CLTC: variants seen among roughly 807,000 people sequenced by gnomAD.
CLTC encodes clathrin heavy chain, also known as clathrin heavy chain 1.
A neutral mutation model predicts 195.8 loss-of-function variants in CLTC; 16 were observed. That is an observed-to-expected ratio of 0.08 (90% CI 0.06 to 0.12). CLTC has a LOEUF of 0.12. CLTC is among the 10% of genes least tolerant of loss of function. The pLI is 1.00. For synonymous variants in CLTC, 667 were observed against 689.4 expected (o/e 0.97, Z 0.51); for missense variants, 796 against 2,027.0 (o/e 0.39, Z 11.66).
At chr17:59,628,131 T>A (rs1239465825) in intron 1 of CLTC, among the ~76,000 whole-genome samples, 1 of 152,198 alleles carries the variant, frequency 6.6e-6, no homozygotes, top group Non-Finnish European at 1.5e-5. Flanking sequence ...TTCTTCAAGT[T>A]CTGAAGTAAG....
chr17:59,655,807 G>A (rs1567949698), intron 5 of CLTC, 47 bp from the exon 6 acceptor site: 2 of 1,427,052 alleles, frequency 1.4e-6, no homozygotes, highest in East Asian at 2.6e-5. Flanking sequence ...TTTATTTTCT[G>A]TTTGTAGATT....
intron 30 of CLTC, among the ~76,000 whole-genome samples, chr17:59,686,245 A>G (rs573526909): frequency 6.6e-6 from 1 of 151,862 alleles, no homozygotes; most frequent in African/African-American, 2.4e-5. Context: ...AATCTTCACA[A>G]TTTTTTTGAT....
At position 59,683,332 on chromosome 17, in the gene CLTC, T is replaced by C; in HGVS notation, c.4042-55T>C. The C allele has an allele frequency of 2.5e-6, 4 of 1,601,838 alleles. No individual in the cohort carries two copies. Among genetic ancestry groups the C allele is most frequent in the Non-Finnish European group, 3.4e-6 (4 of 1,173,824 alleles). On this transcript the variant is annotated intron_variant, in intron 25 of 31. Coordinates refer to ENST00000269122, the MANE Select transcript of CLTC (RefSeq NM_004859.4). The surrounding 1 kb of genome is among the most constrained non-coding windows in gnomAD (Gnocchi z 6.1). ...CTAATGCTTCAAAATATCTTATTCT[T>C]TTTAAGGCTGTTAGCTAGACTCATA...
chr17:59,685,264 G>A lies in CLTC; in HGVS notation c.4605+38G>A. 6.5e-7 allele frequency: 1 copy of A among 1,527,018 alleles called. No individual in the cohort carries two copies. The highest frequency in any genetic ancestry group is 8.9e-7 in the Non-Finnish European group (1 of 1,129,130). 94.6% of individuals were successfully genotyped at this position (1,527,018 alleles called of 1,614,324 possible). ...GCGGGGCAGGGGCTGTTTTAAACCAGGCCTAAAATGGTGTTACAAGTGATT... is the reference window on the plus strand; with the variant it reads ...GCGGGGCAGGGGCTGTTTTAAACCAAGCCTAAAATGGTGTTACAAGTGATT... On this transcript the variant is annotated intron_variant, in intron 29 of 31. Transcript: ENST00000269122. The surrounding 1 kb of genome is among the most constrained non-coding windows in gnomAD (Gnocchi z 5.0).
chr17:59,652,553 C>G (rs1468260320), intron 5 of CLTC, among the ~76,000 whole-genome samples: 1 of 152,170 alleles, frequency 6.6e-6, no homozygotes, highest in African/African-American at 2.4e-5. Flanking sequence ...CCTTGTATAT[C>G]TCCATTAGAG....
chr17:59,676,862 T>G, intron 16 of CLTC, 92 bp from the exon 17 acceptor site: 2 of 965,308 alleles, frequency 2.1e-6, no homozygotes, highest in Non-Finnish European at 3.2e-6. Context: ...AAGCACATTA[T>G]AGACCATAAG....
chr17:59,675,322 T>C (rs2032942531), intron 16 of CLTC, among the ~76,000 whole-genome samples: 1 of 152,182 alleles, frequency 6.6e-6, no homozygotes, highest in African/African-American at 2.4e-5. Context: ...AACATGATAA[T>C]ATGGATTTCC....
rs1420096480 is a variant in CLTC, at chr17:59,624,720, C to T, written c.42+4547C>T. On this transcript the variant is annotated intron_variant, in intron 1 of 31. Transcript: ENST00000269122. ...CTGACTTCAAATGATCTGCCCACCTCGACCTCCCAAAGTGCTGGGATTATA... is the reference window on the plus strand; with the variant it reads ...CTGACTTCAAATGATCTGCCCACCTTGACCTCCCAAAGTGCTGGGATTATA... 2.6e-5 allele frequency among the ~76,000 whole-genome samples: 4 copies of T among 152,036 alleles called. No homozygotes were observed. In the South Asian group the frequency reaches 6.2e-4, roughly 24 times the overall value.
Position 59,673,630 on chromosome 17 carries a change from G to T in CLTC, c.2293-17G>T, listed in dbSNP as rs1567963405. On this transcript the variant is annotated splice_polypyrimidine_tract_variant and intron_variant, in intron 14 of 31. Coordinates refer to ENST00000269122, the MANE Select transcript of CLTC (RefSeq NM_004859.4). ...TAGAAGAAATTTAAAGTTTCCTTTT[G>T]TTTGTCTTTTTTTCAGGAAGCAAAA... The T allele has an allele frequency of 6.3e-7, 1 of 1,598,602 alleles. No individual in the cohort carries two copies. The highest frequency in any genetic ancestry group is 1.1e-5 in the South Asian group (1 of 89,540).
At chr17:59,631,271 C>T (rs1363465264) in intron 1 of CLTC, among the ~76,000 whole-genome samples, 2 of 152,134 alleles carry the variant, frequency 1.3e-5, no homozygotes, top group East Asian at 1.9e-4. Context: ...ATCCCTGTAA[C>T]TTCATGGCAT....
At chr17:59,676,180 C>G (rs532873171) in intron 16 of CLTC, among the ~76,000 whole-genome samples, 2 of 152,236 alleles carry the variant, frequency 1.3e-5, no homozygotes, top group South Asian at 4.1e-4. Context: ...GCTTGGGCAA[C>G]AGAAGACCCT....
At chr17:59,624,319 G>A (rs186824175) in intron 1 of CLTC, among the ~76,000 whole-genome samples, 78 of 152,144 alleles carry the variant, frequency 5.1e-4, no homozygotes, top group African/African-American at 1.8e-3. Context: ...TTTGTCTGTT[G>A]GACTTAGGCC....
In CLTC at chr17:59,666,342, T is replaced by C; in HGVS notation, c.1782+102T>C. The C allele has an allele frequency of 6.7e-7, 1 of 1,494,334 alleles. No individual in the cohort carries two copies. Among genetic ancestry groups the C allele is most frequent in the Non-Finnish European group, 9.1e-7 (1 of 1,095,948 alleles). 92.6% of individuals were successfully genotyped at this position (1,494,334 alleles called of 1,614,324 possible). On this transcript the variant is annotated intron_variant, in intron 11 of 31. Coordinates refer to ENST00000269122, the MANE Select transcript of CLTC (RefSeq NM_004859.4). The surrounding 1 kb of genome is among the most constrained non-coding windows in gnomAD (Gnocchi z 4.9). ...CAAAGCTACTGAGGGGCCTACTCCT[T>C]ATTAAAGAAAATGTAGCTATTATAA... is the stretch of plus-strand genomic sequence containing the variant.
intron 18 of CLTC, 115 bp downstream of exon 18, chr17:59,679,634 AGC>A: frequency 1.1e-6 from 1 of 882,678 alleles, no homozygotes; most frequent in Non-Finnish European, 1.6e-6. Flanking sequence ...TATGAGAGAA[AGC>A]AATACAAAGT....
intron 5 of CLTC, among the ~76,000 whole-genome samples, chr17:59,651,794 T>C (rs777395019): frequency 1.3e-5 from 2 of 152,230 alleles, no homozygotes; most frequent in African/African-American, 2.4e-5. Flanking sequence ...TGGTGGTTGC[T>C]GAAGGTTGAG....
At chr17:59,638,849 C>T (rs972617784) in intron 1 of CLTC, among the ~76,000 whole-genome samples, 10 of 152,074 alleles carry the variant, frequency 6.6e-5, no homozygotes, top group African/African-American at 1.9e-4. Context: ...ATGGGGAAGC[C>T]GAAGTACTAT....
chr17:59,683,092 C>A lies in CLTC; in HGVS notation c.3874-3C>A. On this transcript the variant is annotated splice_region_variant and splice_polypyrimidine_tract_variant and intron_variant, in intron 24 of 31. Transcript: ENST00000269122. This position sits in a 1 kb window ranked among gnomAD's most constrained non-coding sequence, Gnocchi z 6.1. ...TCTTTAACTGCACATTTCTCTTGTT[C>A]AGGATCGTGGCTATTTTGAAGAGCT... is the stretch of plus-strand genomic sequence containing the variant. 2 of 1,613,996 alleles carry A rather than the reference C, an allele frequency of 1.2e-6. No homozygotes were observed. The highest frequency in any genetic ancestry group is 2.2e-5 in the South Asian group (2 of 91,060).
chr17:59,675,452 A>ACTGATGTAAATGAGTT, intron 16 of CLTC, among the ~76,000 whole-genome samples: 6 of 152,168 alleles, frequency 3.9e-5, no homozygotes, highest in Admixed American at 6.5e-5. Flanking sequence ...GTGAGGTGGT[A>ACTGATGTAAATGAGTT]TGCTAGTGGG....
intron 31 of CLTC, 37 bp downstream of exon 31, chr17:59,690,748 C>A: frequency 1.4e-6 from 2 of 1,462,768 alleles, no homozygotes; most frequent in Non-Finnish European, 1.9e-6. Flanking sequence ...ATTCATTAGA[C>A]AAATATTTAA....
Sources: gnomAD v4.1 joint callset for allele counts (sites outside exome capture counted in the v4.1 genomes callset) on GRCh38, gnomAD v4.1.1 for gene constraint, Gnocchi (gnomAD v3.1) non-coding constraint, MANE v1.5 for transcripts, NCBI Gene and HGNC (gene_info 2026-07-23, HGNC 2026-07-21) for gene names.